The following MSRA variants were observed in gnomAD, a reference collection of about 807,000 sequenced individuals.
MSRA encodes the protein methionine sulfoxide reductase A.
In MSRA, 54 loss-of-function variants were observed where a neutral mutation model predicts 31.3. The ratio of observed to expected loss-of-function variants is 1.73; its 90% CI spans 1.39 to 2.17. The LOEUF is 2.17. Among genes scored for constraint, MSRA ranks in the 30% most tolerant of loss-of-function variants. MSRA has a pLI of 0.00. For missense variants in MSRA, 507 were observed against 300.9 expected (o/e 1.69, Z -5.07); for synonymous variants, 169 against 116.5 (o/e 1.45, Z -2.90).
rs147129754 is a variant in MSRA at position 10,292,240 on chromosome 8, A to T, written c.332-9294A>T. ...TGGCAGGTGAATGGAGCTGGGGTCC[A>T]TACAGATGCCCCGTCCGGATGAAGG... On this transcript the variant is annotated intron_variant, in intron 3 of 5. Coordinates refer to ENST00000317173, the MANE Select transcript of MSRA (RefSeq NM_012331.5). Among the ~76,000 whole-genome samples, 1,396 of 152,288 alleles carry T rather than the reference A, an allele frequency of 9.2e-3. 21 individuals are homozygous for T. Among genetic ancestry groups the T allele is most frequent in the African/African-American group, 0.032 (1,336 of 41,568 alleles).
intron 1 of MSRA, among the ~76,000 whole-genome samples, chr8:10,056,085 G>A (rs1428453571): frequency 6.7e-6 from 1 of 149,064 alleles, no homozygotes. Context: ...TTACAGGCAG[G>A]AATTTATACG....
chr8:10,336,334 A>G (rs138120993), intron 5 of MSRA, among the ~76,000 whole-genome samples: 2 of 152,290 alleles, frequency 1.3e-5, no homozygotes, highest in East Asian at 3.9e-4. Flanking sequence ...TTAAACACTA[A>G]TATATTATTT....
intron 1 of MSRA, among the ~76,000 whole-genome samples, chr8:10,080,705 T>G (rs1183634534): frequency 1.3e-5 from 2 of 151,410 alleles, no homozygotes; most frequent in Non-Finnish European, 2.9e-5. Flanking sequence ...TTTTTTTTTT[T>G]TTTTTTAATT....
intron 1 of MSRA, among the ~76,000 whole-genome samples, chr8:10,098,659 T>C (rs1799333375): frequency 6.6e-6 from 1 of 152,236 alleles, no homozygotes; most frequent in Non-Finnish European, 1.5e-5. Context: ...TTGTAGAGTG[T>C]GATTATAAAA....
chr8:10,252,467 C>T (rs554530822), intron 3 of MSRA, among the ~76,000 whole-genome samples: 78 of 152,308 alleles, frequency 5.1e-4, no homozygotes, highest in African/African-American at 1.7e-3. Flanking sequence ...GTTCTTGTGT[C>T]TGCTAGATGC....
chr8:10,279,494 G>T (rs1428881713), intron 3 of MSRA, among the ~76,000 whole-genome samples: 1 of 152,034 alleles, frequency 6.6e-6, no homozygotes, highest in Non-Finnish European at 1.5e-5. Context: ...GAGTTTGATC[G>T]TCATCCTCCC....
chr8:10,065,459 A>G (rs764341191), intron 1 of MSRA, among the ~76,000 whole-genome samples: 6 of 152,248 alleles, frequency 3.9e-5, no homozygotes, highest in Non-Finnish European at 8.8e-5. Flanking sequence ...AAAGGCAAGA[A>G]TTATTTTCTG....
chr8:10,325,395 C>G (rs1280633572), intron 5 of MSRA, among the ~76,000 whole-genome samples: 1 of 151,988 alleles, frequency 6.6e-6, no homozygotes, highest in African/African-American at 2.4e-5. Context: ...AGAACAGCAA[C>G]AACAGTACCA....
chr8:10,294,652 C>G (rs1800431259), intron 3 of MSRA, among the ~76,000 whole-genome samples: 1 of 152,200 alleles, frequency 6.6e-6, no homozygotes, highest in South Asian at 2.1e-4. Context: ...ATGTGGCAGT[C>G]TATGGCTGGT....
At chr8:10,382,522 G>A (rs1047127065) in intron 5 of MSRA, among the ~76,000 whole-genome samples, 1 of 152,170 alleles carries the variant, frequency 6.6e-6, no homozygotes, top group Non-Finnish European at 1.5e-5. Flanking sequence ...TCCAGAGGCT[G>A]TCATTCTACA....
rs145053130 is a variant in MSRA at position 10,098,975 on chromosome 8, A to G, written c.142+44317A>G. On this transcript the variant is annotated intron_variant, in intron 1 of 5. Transcript: ENST00000317173. ...TTCTGTTGTGAGACAAAGGAGGAAG[A>G]TAAGGCCCCTCCCACATCCTGAGGC... Among the ~76,000 whole-genome samples the G allele has an allele frequency of 1.2e-4, 19 of 152,336 alleles. No individual in the cohort carries two copies. The East Asian group carries it at 3.5e-3, about 28-fold the overall frequency.
At chr8:10,142,232 A>G (rs1405835261) in intron 1 of MSRA, among the ~76,000 whole-genome samples, 1 of 152,026 alleles carries the variant, frequency 6.6e-6, no homozygotes, top group Non-Finnish European at 1.5e-5. Flanking sequence ...TCCTGGGATT[A>G]CAGGCATGAG....
At chr8:10,083,783 G>C (rs1197544628) in intron 1 of MSRA, among the ~76,000 whole-genome samples, 3 of 151,972 alleles carry the variant, frequency 2.0e-5, no homozygotes, top group Non-Finnish European at 4.4e-5. Flanking sequence ...TTTGATGTCT[G>C]TGGATTAATG....
intron 3 of MSRA, among the ~76,000 whole-genome samples, chr8:10,286,222 T>A (rs1799928997): frequency 6.6e-6 from 1 of 152,206 alleles, no homozygotes; most frequent in Admixed American, 6.5e-5. Context: ...TTCCCGTTTT[T>A]CAACATTGAT....
chr8:10,231,228 G>T (rs1386199291), intron 2 of MSRA, among the ~76,000 whole-genome samples: 4 of 152,090 alleles, frequency 2.6e-5, no homozygotes, highest in Non-Finnish European at 5.9e-5. Flanking sequence ...GCTGAGGCGG[G>T]CGGACAGGGA....
chr8:10,251,844 C>T (rs947293710), intron 3 of MSRA, among the ~76,000 whole-genome samples: 1 of 149,162 alleles, frequency 6.7e-6, no homozygotes, highest in African/African-American at 2.5e-5. Context: ...CGGCACCCCT[C>T]TGAAGGGTTG....
chr8:10,323,218 C>A (rs886741931), intron 5 of MSRA, among the ~76,000 whole-genome samples: 10 of 152,114 alleles, frequency 6.6e-5, no homozygotes, highest in African/African-American at 2.4e-4. Context: ...GGAACCAACC[C>A]CAACCAAGAA....
At chr8:10,212,044 G>T (rs954549894) in intron 2 of MSRA, among the ~76,000 whole-genome samples, 1 of 152,030 alleles carries the variant, frequency 6.6e-6, no homozygotes, top group South Asian at 2.1e-4. Flanking sequence ...AATATTAGCT[G>T]GGTATGGTGG....
intron 1 of MSRA, among the ~76,000 whole-genome samples, chr8:10,168,693 A>ACACT: frequency 6.6e-6 from 1 of 152,164 alleles, no homozygotes; most frequent in Non-Finnish European, 1.5e-5. Flanking sequence ...GGATTCGACC[A>ACACT]CACTTCTGTT....
Sources: gnomAD v4.1 joint callset for allele counts (sites outside exome capture counted in the v4.1 genomes callset) on GRCh38, gnomAD v4.1.1 for gene constraint, MANE v1.5 for transcripts, NCBI Gene and HGNC (gene_info 2026-07-23, HGNC 2026-07-21) for gene names.